Variants in ADCY10 observed in about 807,000 individuals in gnomAD.
ADCY10 encodes adenylate cyclase 10.
In ADCY10, 156 loss-of-function variants were observed where a neutral mutation model predicts 183.3. That is an observed-to-expected ratio of 0.85 (90% CI 0.75 to 0.97). The LOEUF (loss-of-function observed/expected upper bound fraction) is 0.97. Ranked by LOEUF, ADCY10 falls within the 50% of genes least tolerant of loss-of-function variation. The pLI, the probability that ADCY10 is intolerant of heterozygous loss-of-function variation, is 0.00. For missense variants in ADCY10, 1,745 were observed against 1,934.3 expected, an observed-to-expected ratio of 0.90 and a Z score of 1.84; for synonymous variants, 645 against 670.0, an observed-to-expected ratio of 0.96 and a Z score of 0.58.
intron 14 of ADCY10, among the ~76,000 whole-genome samples, chr1:167,866,269 CT>C (rs1666676429): frequency 6.6e-6 from 1 of 152,124 alleles, no homozygotes; most frequent in Non-Finnish European, 1.5e-5. Context: ...GAGAAGCCCC[CT>C]TATAGGTCTT....
At position 167,809,719 on chromosome 1, in the gene ADCY10, TG is replaced by T; in HGVS notation, c.4791del (p.Asn1597LysfsTer4). 1 of 1,614,214 alleles carries T rather than the reference TG, an allele frequency of 6.2e-7. No homozygotes were observed. Among genetic ancestry groups the T allele is most frequent in the Non-Finnish European group, 8.5e-7 (1 of 1,180,020 alleles). ...GRVNIQDLQK[N>X]KFLMRANTVD... ...ACGGTATTAGCTCTCATCAGGAATT[TG>T]TTTTTTTGAAGATCCTGAATGTTTA... On this transcript the variant is annotated frameshift_variant, in exon 33 of 33. Transcript: ENST00000367851. LOFTEE classifies it high-confidence loss of function.
rs1179192043 is a variant in ADCY10, at chr1:167,859,709, C to T, written c.1896+98G>A. The T allele has an allele frequency of 4.5e-6, 4 of 883,318 alleles. No individual in the cohort carries two copies. In the African/African-American group the frequency reaches 6.6e-5, roughly 15 times the overall value. 54.7% of individuals were successfully genotyped at this position (883,318 alleles called of 1,614,324 possible). On this transcript the variant is annotated intron_variant, in intron 16 of 32. Transcript: ENST00000367851. Reference sequence around the variant, plus strand: ...ACAAAGCCTTCACATCCTTCAAAAGCCTCTTGCCAATGTGGTCTGAACTCC... The same window carrying T: ...ACAAAGCCTTCACATCCTTCAAAAGTCTCTTGCCAATGTGGTCTGAACTCC...
intron 18 of ADCY10, among the ~76,000 whole-genome samples, chr1:167,852,038 T>C (rs76639033): frequency 0.07 from 10,631 of 152,230 alleles, 1,224 homozygotes; most frequent in African/African-American, 0.24. Context: ...CTGTAGTGCA[T>C]TCACAATATT....
At position 167,860,938 on chromosome 1, in the gene ADCY10, C is replaced by T. The variant is rs377634034; in HGVS notation, c.1742G>A (p.Arg581Gln). 836 of 1,614,044 alleles carry T rather than the reference C, an allele frequency of 5.2e-4. 9 individuals are homozygous for T. In the South Asian group the frequency reaches 7.9e-3, roughly 15 times the overall value. ...KHYKERQTNLRNKVMTLLDEK... is the reference protein window; with the variant it reads ...KHYKERQTNLQNKVMTLLDEK... The stretch of plus-strand genomic sequence containing the variant: ...ATCCAACAGTGTCATGACTTTATTT[C>T]GAAGGTTGGTCTGTCGTTCTTTATA... Residue 581 changes from arginine to glutamine, a missense_variant, in exon 15 of 33, where the codon CGA becomes CAA. By Grantham distance (43) the Arg-to-Gln change is conservative (BLOSUM62 1). Transcript: ENST00000367851.
chr1:167,905,649 T>A lies in ADCY10; in HGVS notation c.-58-451A>T, dbSNP rs113571502. ...ATTCGTGTGTGTGAGTGTATTTATA[T>A]GTAAGTGAGTATTAGAGTTTTGTAT... On this transcript the variant is annotated intron_variant, in intron 1 of 32. Coordinates refer to ENST00000367851, the MANE Select transcript of ADCY10 (RefSeq NM_018417.6). 2.3e-3 allele frequency among the ~76,000 whole-genome samples: 347 copies of A among 151,646 alleles called. 1 individual carries two copies. Among genetic ancestry groups the A allele is most frequent in the African/African-American group, 8.2e-3 (338 of 41,290 alleles).
At chr1:167,867,812 A>T (rs1666813653) in intron 14 of ADCY10, among the ~76,000 whole-genome samples, 1 of 152,174 alleles carries the variant, frequency 6.6e-6, no homozygotes, top group African/African-American at 2.4e-5. Context: ...GGAAATAAGT[A>T]TATCTGCCAC....
At chr1:167,837,488 C>T (rs185909359) in intron 21 of ADCY10, among the ~76,000 whole-genome samples, 170 bp from the exon 22 acceptor site, 14 of 152,312 alleles carry the variant, frequency 9.2e-5, no homozygotes, top group African/African-American at 3.1e-4. Context: ...GATGAGTTCT[C>T]ACAATAGAAT....
intron 18 of ADCY10, among the ~76,000 whole-genome samples, chr1:167,852,053 A>G (rs1450403849): frequency 6.6e-6 from 1 of 152,200 alleles, no homozygotes; most frequent in African/African-American, 2.4e-5. Context: ...AATATTATGT[A>G]ACCAGAATCT....
chr1:167,829,944 C>G (rs146704702), intron 25 of ADCY10, among the ~76,000 whole-genome samples: 4 of 152,312 alleles, frequency 2.6e-5, no homozygotes, highest in East Asian at 1.9e-4. Context: ...CTCAGCTCAA[C>G]AAAGGTGTGA....
Position 167,836,463 on chromosome 1 carries a change from A to C in ADCY10, c.3155T>G (p.Ile1052Ser). The C allele has an allele frequency of 6.2e-7, 1 of 1,614,196 alleles. No individual in the cohort carries two copies. The highest frequency in any genetic ancestry group is 8.5e-7 in the Non-Finnish European group (1 of 1,180,008). The change falls in exon 23 of 33, where the codon ATT becomes AGT. Residue 1052 changes from isoleucine (I) to serine (S), a missense_variant. Ile to Ser is a moderately radical substitution (Grantham distance 142, BLOSUM62 -2). Coordinates refer to ENST00000367851, the MANE Select transcript of ADCY10 (RefSeq NM_018417.6). The part of the protein sequence containing the change: ...LTKMKTSDED[I>S]IPLESCQCEE... ...ACACTGGCAAGATTCCAGAGGGATA[A>C]TGTCTTCGTCAGATGTCTTCATTTT...
rs577638580 is a variant in ADCY10 at position 167,886,639 on chromosome 1, A to C, written c.829-3011T>G. ...TACCATTCAGTACATAGGCATGGGC[A>C]AGGACTTCATGACTGAAACACCAAA... On this transcript the variant is annotated intron_variant, in intron 8 of 32. Transcript: ENST00000367851. 1.1e-3 allele frequency among the ~76,000 whole-genome samples: 160 copies of C among 152,346 alleles called. 1 individual carries two copies. Among genetic ancestry groups the C allele is most frequent in the Non-Finnish European group, 1.7e-3 (114 of 68,034 alleles).
chr1:167,862,779 A>C (rs1315173743), intron 14 of ADCY10, among the ~76,000 whole-genome samples: 1 of 152,222 alleles, frequency 6.6e-6, no homozygotes, highest in Non-Finnish European at 1.5e-5. Context: ...TGGGATAGAG[A>C]TACAGCTAAG....
chr1:167,829,118 T>G (rs1167042561), intron 26 of ADCY10, 149 bp downstream of exon 26: 2 of 844,074 alleles, frequency 2.4e-6, no homozygotes, highest in East Asian at 4.9e-5. Context: ...CCAAAGTGTT[T>G]GAGAACTGCT....
intron 26 of ADCY10, among the ~76,000 whole-genome samples, chr1:167,827,779 T>G (rs894050205): frequency 4.6e-5 from 7 of 151,858 alleles, no homozygotes; most frequent in Admixed American, 6.6e-5. Flanking sequence ...AATGGTGTGA[T>G]CTCATCTCAC....
At chr1:167,910,175 G>C (rs534736675) in intron 1 of ADCY10, among the ~76,000 whole-genome samples, 1 of 152,120 alleles carries the variant, frequency 6.6e-6, no homozygotes, top group Non-Finnish European at 1.5e-5. Flanking sequence ...TCTGTGGCTC[G>C]TCCTGCTACA....
At chr1:167,846,330 A>G in intron 19 of ADCY10, 67 bp from the exon 20 acceptor site, 1 of 1,585,994 alleles carries the variant, frequency 6.3e-7, no homozygotes, top group South Asian at 1.1e-5. Context: ...TGTATTTAAT[A>G]TAGAGCAGGT....
chr1:167,820,195 C>A, intron 30 of ADCY10: 1 of 1,542,048 alleles, frequency 6.5e-7, no homozygotes, highest in African/African-American at 1.4e-5. Flanking sequence ...CCGCAGCTCC[C>A]GAGGCTGCGA....
chr1:167,812,227 C>G (rs1662262599), intron 31 of ADCY10, among the ~76,000 whole-genome samples: 1 of 152,012 alleles, frequency 6.6e-6, no homozygotes, highest in Admixed American at 6.5e-5. Flanking sequence ...GCAAGCCCCT[C>G]CCACTCCAGT....
chr1:167,870,724 G>A (rs573946030), intron 13 of ADCY10, among the ~76,000 whole-genome samples: 2 of 150,774 alleles, frequency 1.3e-5, no homozygotes, highest in South Asian at 4.2e-4. Flanking sequence ...TAAGAGAATT[G>A]CTTGAACCCA....
Sources: gnomAD v4.1 joint callset for allele counts (sites outside exome capture counted in the v4.1 genomes callset) on GRCh38, gnomAD v4.1.1 for gene constraint, MANE v1.5 for transcripts, NCBI Gene and HGNC (gene_info 2026-07-23, HGNC 2026-07-21) for gene names.